Variants in MEMO1 observed in about 807,000 individuals in gnomAD.
MEMO1 encodes mediator of cell motility 1, also known as protein MEMO1.
Under a neutral mutation model 45.2 loss-of-function variants are expected in MEMO1, and 6 were observed. That is an observed-to-expected ratio of 0.13 (90% confidence interval 0.07 to 0.26). The LOEUF (loss-of-function observed/expected upper bound fraction) is 0.26, where lower values mean the gene tolerates loss of function less well. Among genes scored for constraint, MEMO1 ranks in the 10% least tolerant of loss-of-function variants. MEMO1 has a pLI of 1.00. For missense variants in MEMO1, 184 were observed against 370.5 expected (o/e 0.50, Z 4.13); for synonymous variants, 78 against 124.3 (o/e 0.63, Z 2.48).
intron 7 of MEMO1, among the ~76,000 whole-genome samples, chr2:31,888,501 TC>T (rs1444917274): frequency 6.6e-6 from 1 of 151,970 alleles, no homozygotes; most frequent in Non-Finnish European, 1.5e-5. Context: ...GAATGAAAAT[TC>T]TACTAACTGA....
chr2:31,945,539 G>C lies in MEMO1; in HGVS notation c.62-2156C>G, dbSNP rs183601629. Among the ~76,000 whole-genome samples, 76 of 152,254 alleles carry C rather than the reference G, an allele frequency of 5.0e-4. 1 individual carries two copies. The highest frequency in any genetic ancestry group is 1.6e-3 in the African/African-American group (67 of 41,546). On this transcript the variant is annotated intron_variant, in intron 2 of 9. Transcript: ENST00000404530. Reference sequence around the variant, plus strand: ...TGTACTCCCCGACCCCCTTTTCTTAGAGGATTTTCTTTCAAAACCTGGTAA... The same window carrying C: ...TGTACTCCCCGACCCCCTTTTCTTACAGGATTTTCTTTCAAAACCTGGTAA...
intron 6 of MEMO1, among the ~76,000 whole-genome samples, chr2:31,910,892 AG>A (rs1325280402): frequency 6.6e-6 from 1 of 152,116 alleles, no homozygotes; most frequent in Admixed American, 6.6e-5. Flanking sequence ...GTTGTAAATT[AG>A]TTGTAAATGT....
chr2:31,958,593 C>G (rs1371997786), intron 2 of MEMO1, among the ~76,000 whole-genome samples: 2 of 152,050 alleles, frequency 1.3e-5, no homozygotes, highest in African/African-American at 2.4e-5. Flanking sequence ...ATCAACTAAC[C>G]TCAATTTTGT....
rs372095058 is a variant in MEMO1, at chr2:31,920,944, T to C, written c.213-34A>G. The C allele has an allele frequency of 1.0e-5, 14 of 1,363,752 alleles. No individual in the cohort carries two copies. In the South Asian group the frequency reaches 1.2e-4, roughly 12 times the overall value. 84.5% of individuals were successfully genotyped at this position (1,363,752 alleles called of 1,614,324 possible). On this transcript the variant is annotated intron_variant, in intron 4 of 9. Transcript: ENST00000404530. Reference sequence around the variant, plus strand: ...TACACAACAAAAAAACACGTAACAATTGCACTTCTACACAAACCTTATTAA... The same window carrying C: ...TACACAACAAAAAAACACGTAACAACTGCACTTCTACACAAACCTTATTAA...
At chr2:32,001,568 C>G (rs1673319335) in intron 2 of MEMO1, among the ~76,000 whole-genome samples, 1 of 152,094 alleles carries the variant, frequency 6.6e-6, no homozygotes, top group African/African-American at 2.4e-5. Flanking sequence ...ATGGAAAGAA[C>G]AGTAGGCTTC....
intron 2 of MEMO1, among the ~76,000 whole-genome samples, chr2:31,969,585 GGGTGT>G (rs1558541959): frequency 6.7e-5 from 6 of 89,452 alleles, no homozygotes; most frequent in Non-Finnish European, 1.3e-4. Context: ...GTGTGTGTGT[GGGTGT>G]GTGTGTGTGT....
rs370773425 is a variant in MEMO1, at chr2:31,933,351, TTATATATATATATA to T, written c.144-1230_144-1217del. On this transcript the variant is annotated intron_variant, in intron 3 of 9. Transcript: ENST00000404530. ...AAAAAAAAAAAAAAAAAAAAAAAAT[TTATATATATATATA>T]TATATATATATATATATAGAAAGGG... Among the ~76,000 whole-genome samples, 40 of 45,092 alleles carry T rather than the reference TTATATATATATATA, an allele frequency of 8.9e-4. 2 individuals carry two copies. Among genetic ancestry groups the T allele is most frequent in the Middle Eastern group, 0.028 (1 of 36 alleles). 29.6% of individuals were successfully genotyped at this position (45,092 alleles called of 152,430 possible). A position where few individuals can be genotyped will look rare whatever the true frequency, so the allele number is the denominator to read the frequency against.
intron 2 of MEMO1, among the ~76,000 whole-genome samples, chr2:32,008,165 A>T (rs1674335810): frequency 1.3e-5 from 2 of 152,132 alleles, no homozygotes; most frequent in South Asian, 4.2e-4. Flanking sequence ...AATACCAAAG[A>T]AGTCTTTCCA....
At chr2:31,977,897 T>A (rs1017424130) in intron 2 of MEMO1, among the ~76,000 whole-genome samples, 5 of 152,204 alleles carry the variant, frequency 3.3e-5, no homozygotes, top group Non-Finnish European at 5.9e-5. Context: ...TATTTTCTAA[T>A]ATTTTATATT....
At chr2:31,969,141 T>C (rs1486051347) in intron 2 of MEMO1, among the ~76,000 whole-genome samples, 1 of 151,774 alleles carries the variant, frequency 6.6e-6, no homozygotes, top group Admixed American at 6.6e-5. Flanking sequence ...CAACTGGCCA[T>C]TTGATAAGTA....
At chr2:31,874,688 T>C (rs1165347531) in intron 8 of MEMO1, among the ~76,000 whole-genome samples, 5 of 152,022 alleles carry the variant, frequency 3.3e-5, no homozygotes, top group African/African-American at 9.6e-5. Context: ...CCAAAATGTA[T>C]ATTATTGGAA....
intron 8 of MEMO1, among the ~76,000 whole-genome samples, chr2:31,880,896 TGTC>T (rs1437887851): frequency 1.3e-5 from 2 of 151,820 alleles, no homozygotes; most frequent in Non-Finnish European, 2.9e-5. Flanking sequence ...TGGTGGTAAA[TGTC>T]TATAGTCCCA....
chr2:31,941,527 G>T (rs1021624815), intron 3 of MEMO1, among the ~76,000 whole-genome samples: 4 of 152,142 alleles, frequency 2.6e-5, no homozygotes, highest in African/African-American at 9.7e-5. Flanking sequence ...GTACCAAAAT[G>T]CTAGTACCAC....
chr2:31,904,876 G>C (rs1007601844), intron 6 of MEMO1, among the ~76,000 whole-genome samples: 3 of 152,206 alleles, frequency 2.0e-5, no homozygotes, highest in Non-Finnish European at 4.4e-5. Context: ...TCAGACCAAA[G>C]AGACATGCAT....
chr2:31,974,147 A>C (rs943933590), intron 2 of MEMO1, among the ~76,000 whole-genome samples: 2 of 151,846 alleles, frequency 1.3e-5, no homozygotes, highest in African/African-American at 2.4e-5. Context: ...GGATATTCAC[A>C]AAACATGCTA....
Position 31,946,184 on chromosome 2 carries a change from C to T in MEMO1, c.62-2801G>A, listed in dbSNP as rs78289263. Reference sequence around the variant, plus strand: ...GGTTCACATTCCCCTACGTCGTTCCCAATATTTGATATTGTCAGAATTTTT... The same window carrying T: ...GGTTCACATTCCCCTACGTCGTTCCTAATATTTGATATTGTCAGAATTTTT... On this transcript the variant is annotated intron_variant, in intron 2 of 9. Transcript: ENST00000404530. 5.9e-5 allele frequency among the ~76,000 whole-genome samples: 9 copies of T among 152,250 alleles called. 1 individual carries two copies. The East Asian group carries it at 1.7e-3, about 29-fold the overall frequency.
chr2:32,007,895 C>T (rs1017319883), intron 2 of MEMO1, among the ~76,000 whole-genome samples: 1 of 152,142 alleles, frequency 6.6e-6, no homozygotes, highest in African/African-American at 2.4e-5. Context: ...AATTGAATTG[C>T]TTTAAATCTA....
intron 6 of MEMO1, among the ~76,000 whole-genome samples, chr2:31,894,278 C>T (rs1008615047): frequency 1.3e-5 from 2 of 152,164 alleles, no homozygotes; most frequent in African/African-American, 2.4e-5. Flanking sequence ...TGCCTCCATC[C>T]CCTACCCTAG....
intron 6 of MEMO1, among the ~76,000 whole-genome samples, chr2:31,901,454 C>G (rs1678802689): frequency 6.7e-6 from 1 of 150,254 alleles, no homozygotes; most frequent in Non-Finnish European, 1.5e-5. Context: ...AAACAGTATC[C>G]TAAGTGAAAA....
Sources: gnomAD v4.1 joint callset for allele counts (sites outside exome capture counted in the v4.1 genomes callset) on GRCh38, gnomAD v4.1.1 for gene constraint, MANE v1.5 for transcripts, NCBI Gene and HGNC (gene_info 2026-07-23, HGNC 2026-07-21) for gene names.